ATP6V0A2: variants seen among roughly 807,000 people sequenced by gnomAD.
The protein encoded by ATP6V0A2 is V-type proton ATPase 116 kDa subunit a 2.
A neutral mutation model predicts 104.4 loss-of-function variants in ATP6V0A2; 58 were observed. The ratio of observed to expected loss-of-function variants is 0.56; its 90% CI spans 0.45 to 0.69. ATP6V0A2 has a LOEUF of 0.69. Among genes scored for constraint, ATP6V0A2 ranks in the 30% least tolerant of loss-of-function variants. The pLI is 0.00. For synonymous variants in ATP6V0A2, 376 were observed against 397.9 expected (o/e 0.95, Z 0.65); for missense variants, 938 against 1,062.9 (o/e 0.88, Z 1.63).
intron 1 of ATP6V0A2, among the ~76,000 whole-genome samples, chr12:123,713,741 C>G (rs532251829): frequency 6.6e-6 from 1 of 152,132 alleles, no homozygotes; most frequent in Non-Finnish European, 1.5e-5. Flanking sequence ...TACTTACTGA[C>G]TGAATTGAAA....
chr12:123,714,771 A>G (rs1180213183), intron 1 of ATP6V0A2, among the ~76,000 whole-genome samples: 2 of 152,036 alleles, frequency 1.3e-5, no homozygotes, highest in African/African-American at 4.8e-5. Flanking sequence ...TATAAAAGAA[A>G]CCACACAATA....
chr12:123,737,585 G>A (rs565053562), intron 9 of ATP6V0A2: 58 of 370,994 alleles, frequency 1.6e-4, no homozygotes, highest in Non-Finnish European at 2.6e-4. Context: ...TGGTGAGCTG[G>A]TCATTCAAAG....
At position 123,744,575 on chromosome 12, in the gene ATP6V0A2, G is replaced by T; in HGVS notation, c.1327-22G>T. 1.2e-6 allele frequency: 2 copies of T among 1,612,240 alleles called. No homozygotes were observed. The highest frequency in any genetic ancestry group is 1.1e-5 in the South Asian group (1 of 90,984). On this transcript the variant is annotated intron_variant, in intron 11 of 19. Transcript: ENST00000330342. The surrounding 1 kb of genome is among the most constrained non-coding windows in gnomAD (Gnocchi z 5.4). ...GGACACCCTCCAGTAACCATATTCT[G>T]CCCCCGCCTTGCCCTTCACAGATCA...
At chr12:123,735,670 A>G (rs751966340) in intron 8 of ATP6V0A2, 46 bp downstream of exon 8, 1 of 1,402,096 alleles carries the variant, frequency 7.1e-7, no homozygotes, top group Non-Finnish European at 1.0e-6. Context: ...AGGGCTGCCA[A>G]ACATTTACAC....
intron 1 of ATP6V0A2, among the ~76,000 whole-genome samples, chr12:123,713,356 C>T (rs1458442437): frequency 6.6e-6 from 1 of 152,008 alleles, no homozygotes; most frequent in Non-Finnish European, 1.5e-5. Flanking sequence ...CTTAAGAACT[C>T]AGTCATTGTT....
Position 123,747,714 on chromosome 12 carries a change from A to G in ATP6V0A2, c.1713A>G (p.Ile571Met), listed in dbSNP as rs1184289706. Reference sequence around the variant, plus strand: ...TGACTTTTGGAGTCATTCTGGGAATATTTAACCACTTGTAAGTACAGATTT... The same window carrying G: ...TGACTTTTGGAGTCATTCTGGGAATGTTTAACCACTTGTAAGTACAGATTT... ...IHMTFGVILG[I>M]FNHLHFRKKF... Residue 571 changes from isoleucine to methionine, a missense_variant, in exon 14 of 20, where the codon ATA becomes ATG. By Grantham distance (10) the Ile-to-Met change is conservative. Transcript: ENST00000330342. The G allele has an allele frequency of 6.3e-7, 1 of 1,589,914 alleles. No individual in the cohort carries two copies. The highest frequency in any genetic ancestry group is 1.7e-5 in the Admixed American group (1 of 59,970).
In ATP6V0A2 at chr12:123,747,668, T is replaced by C. The variant is rs751393183; in HGVS notation, c.1667T>C (p.Val556Ala). The C allele has an allele frequency of 1.9e-6, 3 of 1,613,812 alleles. No homozygotes were observed. The highest frequency in any genetic ancestry group is 2.2e-5 in the East Asian group (1 of 44,874). ...FLNSFKMKMSVILGIIHMTFG... is the reference protein window; with the variant it reads ...FLNSFKMKMSAILGIIHMTFG... The stretch of plus-strand genomic sequence containing the variant: ...AACTCTTTCAAAATGAAAATGTCCG[T>C]GATTTTAGGAATCATTCATATGACT... The change falls in exon 14 of 20, where the codon GTG becomes GCG. Residue 556 changes from valine (V) to alanine (A), a missense_variant. Physicochemically the swap from Val to Ala is moderately conservative, Grantham distance 64. Transcript: ENST00000330342.
At chr12:123,751,088 T>G in intron 15 of ATP6V0A2, 22 bp from the exon 16 acceptor site, 2 of 1,614,108 alleles carry the variant, frequency 1.2e-6, no homozygotes, top group Non-Finnish European at 1.7e-6. Flanking sequence ...TTAATCGGGT[T>G]TCTCACCTTC....
chr12:123,726,331 G>A (rs772742431), intron 5 of ATP6V0A2, 46 bp downstream of exon 5: 23 of 1,371,038 alleles, frequency 1.7e-5, no homozygotes, highest in African/African-American at 7.2e-5. Context: ...TGCCCTTCTT[G>A]TAAAAGGCAG....
At position 123,712,676 on chromosome 12, in the gene ATP6V0A2, C is replaced by A. The variant is rs763909320; in HGVS notation, c.111C>A (p.Phe37Leu). The A allele has an allele frequency of 3.1e-6, 5 of 1,609,698 alleles. No homozygotes were observed. Among genetic ancestry groups the A allele is most frequent in the Non-Finnish European group, 4.2e-6 (5 of 1,178,588 alleles). ...SALGEKGLVQ[F>L]RDLNQNVSSF... ...TGGGCGAGAAAGGCCTGGTCCAGTT[C>A]CGAGACGTGAGTGTCGCCCGGGAGA... Residue 37 changes from phenylalanine (F) to leucine (L), a missense_variant, in exon 1 of 20, where the codon TTC becomes TTA. By Grantham distance (22) the Phe-to-Leu change is conservative. Coordinates refer to ENST00000330342, the MANE Select transcript of ATP6V0A2 (RefSeq NM_012463.4).
rs753545553 is a variant in ATP6V0A2, at chr12:123,737,055, C to T, written c.826-4C>T. On this transcript the variant is annotated splice_region_variant and splice_polypyrimidine_tract_variant and intron_variant, in intron 8 of 19. Transcript: ENST00000330342. ...CACTGAAAGCCCCTGTTGTTCTTCC[C>T]CAGGTACTGCACAAAACCGAGGACT... The T allele has an allele frequency of 6.2e-7, 1 of 1,614,152 alleles. No homozygotes were observed. The highest frequency in any genetic ancestry group is 8.5e-7 in the Non-Finnish European group (1 of 1,179,992).
At chr12:123,730,496 A>G (rs1341327939) in intron 6 of ATP6V0A2, 2 of 152,170 alleles carry the variant, frequency 1.3e-5, no homozygotes, top group Non-Finnish European at 2.9e-5. Flanking sequence ...TCCGTTTGAA[A>G]TCTAATCAGT....
intron 17 of ATP6V0A2, among the ~76,000 whole-genome samples, chr12:123,753,814 T>C (rs1392578960): frequency 6.6e-6 from 1 of 152,264 alleles, no homozygotes; most frequent in Non-Finnish European, 1.5e-5. Context: ...AAATGTCTTA[T>C]AATCAACATT....
At chr12:123,724,319 T>G in intron 3 of ATP6V0A2, 1 of 251,392 alleles carries the variant, frequency 4.0e-6, no homozygotes, top group South Asian at 4.2e-5. Context: ...AGGTCAAGAG[T>G]TCAAGACCAG....
At chr12:123,756,602 T>C in intron 18 of ATP6V0A2, 1 of 580,530 alleles carries the variant, frequency 1.7e-6, no homozygotes, top group Non-Finnish European at 3.0e-6. Context: ...CCTCTGATAT[T>C]TTTGGAGCAC....
intron 2 of ATP6V0A2, 92 bp downstream of exon 2, chr12:123,718,793 C>T: frequency 1.1e-6 from 1 of 881,688 alleles, no homozygotes. Context: ...TATAGACAAG[C>T]AGAAAGGAAA....
At chr12:123,740,419 C>T (rs1956598039) in intron 9 of ATP6V0A2, among the ~76,000 whole-genome samples, 1 of 152,122 alleles carries the variant, frequency 6.6e-6, no homozygotes, top group South Asian at 2.1e-4. Context: ...TAATGTTGGC[C>T]AGGCTGGTCT....
At chr12:123,723,956 A>T (rs1279515567) in intron 3 of ATP6V0A2, 3 of 152,170 alleles carry the variant, frequency 2.0e-5, no homozygotes, top group African/African-American at 7.2e-5. Flanking sequence ...CCGAGAAATG[A>T]CAGCACCTGT....
At chr12:123,757,110 C>G (rs1278283900) in intron 19 of ATP6V0A2, 124 bp downstream of exon 19, 2 of 1,103,142 alleles carry the variant, frequency 1.8e-6, no homozygotes, top group Non-Finnish European at 2.7e-6. Flanking sequence ...CAGTTCTTCC[C>G]TTCCCTTGGG....
Sources: allele counts gnomAD v4.1 joint callset (sites outside exome capture counted in the v4.1 genomes callset), GRCh38; gene constraint gnomAD v4.1.1; non-coding constraint Gnocchi (gnomAD v3.1); transcripts MANE v1.5; gene names NCBI Gene and HGNC (gene_info 2026-07-23, HGNC 2026-07-21).